The following IL17C variants were observed in gnomAD, a reference collection of about 807,000 sequenced individuals.
The protein encoded by IL17C is interleukin-17C.
In IL17C, 13 loss-of-function variants were observed where a neutral mutation model predicts 11.0. That is an observed-to-expected ratio of 1.18 (90% CI 0.77 to 1.88). The LOEUF (loss-of-function observed/expected upper bound fraction) is 1.88, where lower values mean the gene tolerates loss of function less well. IL17C is among the 40% of genes most tolerant of loss of function. IL17C has a pLI of 0.00. For synonymous variants in IL17C, 150 were observed against 125.8 expected (o/e 1.19, Z -1.29); for missense variants, 357 against 278.2 (o/e 1.28, Z -2.01).
Position 88,639,032 on chromosome 16 carries a change from C to A in IL17C, c.58C>A (p.His20Asn), listed in dbSNP as rs749908370. The change falls in exon 2 of 3, where the codon CAT (histidine) becomes AAT (asparagine). Residue 20 changes from histidine to asparagine, a missense_variant. By Grantham distance (68) the His-to-Asn change is moderately conservative. Coordinates refer to ENST00000244241, the MANE Select transcript of IL17C (RefSeq NM_013278.4). This position sits in a 1 kb window ranked among gnomAD's most constrained non-coding sequence, Gnocchi z 5.1. Reference sequence around the variant, plus strand: ...CTGGCTGCACACATGCCTGGCCCACCATGACCCCTCCCTCAGGGGGCACCC... The same window carrying A: ...CTGGCTGCACACATGCCTGGCCCACAATGACCCCTCCCTCAGGGGGCACCC... ...LTWLHTCLAH[H>N]DPSLRGHPHS... is the part of the protein sequence containing the mutation. The A allele has an allele frequency of 6.2e-7, 1 of 1,607,156 alleles. No individual in the cohort carries two copies. Among genetic ancestry groups the A allele is most frequent in the South Asian group, 1.1e-5 (1 of 90,274 alleles).
rs367662184 is a variant in IL17C, at chr16:88,639,120, C to T, written c.146C>T (p.Pro49Leu). The T allele has an allele frequency of 6.2e-7, 1 of 1,613,158 alleles. No individual in the cohort carries two copies. The highest frequency in any genetic ancestry group is 8.5e-7 in the Non-Finnish European group (1 of 1,179,950). ...AEELPLGQAP[P>L]HLLARGAKWG... ...GAACTGCCCCTCGGCCAGGCCCCCC[C>T]ACACCTGCTGGCTCGAGGTGCCAAG... The change falls in exon 2 of 3, where the codon CCA becomes CTA. Residue 49 changes from proline to leucine, a missense_variant. Physicochemically the swap from Pro to Leu is moderately conservative, Grantham distance 98 (BLOSUM62 -3). Transcript: ENST00000244241. The surrounding 1 kb of genome is among the most constrained non-coding windows in gnomAD (Gnocchi z 5.1).
At position 88,639,870 on chromosome 16, in the gene IL17C, G is replaced by A; in HGVS notation, c.392G>A (p.Cys131Tyr). 1 of 1,603,612 alleles carries A rather than the reference G, an allele frequency of 6.2e-7. No individual in the cohort carries two copies. Among genetic ancestry groups the A allele is most frequent in the Non-Finnish European group, 8.5e-7 (1 of 1,176,304 alleles). Residue 131 changes from cysteine (C) to tyrosine (Y), a missense_variant, in exon 3 of 3, where the codon TGC becomes TAC. Coordinates refer to ENST00000244241, the MANE Select transcript of IL17C (RefSeq NM_013278.4). This position sits in a 1 kb window ranked among gnomAD's most constrained non-coding sequence, Gnocchi z 5.1. ...AAGCTGGCCTTCGCCGAGTGCCTGT[G>A]CAGAGGCTGTATCGATGCACGGACG... ...PQKLAFAECL[C>Y]RGCIDARTGR... is the part of the protein sequence containing the mutation.
In IL17C at chr16:88,640,298, A is replaced by G. The variant is rs987230847; in HGVS notation, c.*226A>G. 4.0e-6 allele frequency: 2 copies of G among 496,726 alleles called. No individual in the cohort carries two copies. Among genetic ancestry groups the G allele is most frequent in the Non-Finnish European group, 7.0e-6 (2 of 287,312 alleles). 30.8% of individuals were successfully genotyped at this position (496,726 alleles called of 1,614,324 possible). A position where few individuals can be genotyped will look rare whatever the true frequency, so the allele number is the denominator to read the frequency against. On this transcript the variant is annotated 3_prime_UTR_variant, in exon 3 of 3. Transcript: ENST00000244241. ...TCTTCCAGCCCTTAAAGCTGCAGAA[A>G]AGGTGTCACACGGCTGCCTGTACCT...
In IL17C at chr16:88,639,950, C is replaced by G; in HGVS notation, c.472C>G (p.Leu158Val). 6.2e-7 allele frequency: 1 copy of G among 1,610,180 alleles called. No individual in the cohort carries two copies. Among genetic ancestry groups the G allele is most frequent in the Non-Finnish European group, 8.5e-7 (1 of 1,178,968 alleles). Residue 158 changes from leucine (L) to valine (V), a missense_variant, in exon 3 of 3, where the codon CTG (leucine) becomes GTG (valine). Physicochemically the swap from Leu to Val is conservative, Grantham distance 32. Coordinates refer to ENST00000244241, the MANE Select transcript of IL17C (RefSeq NM_013278.4). The surrounding 1 kb of genome is among the most constrained non-coding windows in gnomAD (Gnocchi z 5.1). ...GCGGCTGCTCCAGAGCCTGCTGGTG[C>G]TGCGCCGCCGGCCCTGCTCCCGCGA... ...SVRLLQSLLVLRRRPCSRDGS... is the reference protein window; with the variant it reads ...SVRLLQSLLVVRRRPCSRDGS...
intron 1 of IL17C, 130 bp from the exon 2 acceptor site, chr16:88,638,851 C>A: frequency 8.6e-7 from 1 of 1,159,910 alleles, no homozygotes; most frequent in Non-Finnish European, 1.3e-6. Flanking sequence ...CCTCTCTGGG[C>A]TTCAGTTTCC....
chr16:88,639,809 C>T lies in IL17C; in HGVS notation c.336-5C>T, dbSNP rs763144818. On this transcript the variant is annotated splice_region_variant and splice_polypyrimidine_tract_variant and intron_variant, in intron 2 of 2. Transcript: ENST00000244241. The surrounding 1 kb of genome is among the most constrained non-coding windows in gnomAD (Gnocchi z 5.1). ...CAGAGACTCACTGTGCACCCCGTCCCGCAGTGTGGACACGGATGAGGACCG... is the reference window on the plus strand; with the variant it reads ...CAGAGACTCACTGTGCACCCCGTCCTGCAGTGTGGACACGGATGAGGACCG... 26 of 1,546,110 alleles carry T rather than the reference C, an allele frequency of 1.7e-5. No individual in the cohort carries two copies. The highest frequency in any genetic ancestry group is 4.1e-5 in the African/African-American group (3 of 73,556).
chr16:88,638,901 G>C (rs1443614124), intron 1 of IL17C, 80 bp from the exon 2 acceptor site: 32 of 1,343,074 alleles, frequency 2.4e-5, no homozygotes, highest in Non-Finnish European at 3.2e-5. Context: ...CTTTCCGCTG[G>C]GAACAAGGAA....
At position 88,639,964 on chromosome 16, in the gene IL17C, C is replaced by G; in HGVS notation, c.486C>G (p.Pro162=). The G allele has an allele frequency of 1.2e-6, 2 of 1,610,196 alleles. No homozygotes were observed. The highest frequency in any genetic ancestry group is 1.7e-6 in the Non-Finnish European group (2 of 1,178,748). ...GCCTGCTGGTGCTGCGCCGCCGGCC[C>G]TGCTCCCGCGACGGCTCGGGGCTCC... is the stretch of plus-strand genomic sequence containing the variant. ...LQSLLVLRRR[P]CSRDGSGLPT... is the part of the protein sequence containing the mutation. The change falls in exon 3 of 3, where the codon CCC becomes CCG. Residue 162 remains proline, a synonymous_variant. Transcript: ENST00000244241. This position sits in a 1 kb window ranked among gnomAD's most constrained non-coding sequence, Gnocchi z 5.1.
rs1208235585 is a variant in IL17C at position 88,639,351 on chromosome 16, C to T, written c.335+42C>T. 2 of 1,492,318 alleles carry T rather than the reference C, an allele frequency of 1.3e-6. No homozygotes were observed. The highest frequency in any genetic ancestry group is 2.2e-4 in the Middle Eastern group (1 of 4,466). 92.4% of individuals were successfully genotyped at this position (1,492,318 alleles called of 1,614,324 possible). A position where few individuals can be genotyped will look rare whatever the true frequency, so the allele number is the denominator to read the frequency against. Reference sequence around the variant, plus strand: ...TCCGCTGTGGCGTGGGGCTGCCCCTCCCCTGGCGGGGCCCTGACTGCCCGG... The same window carrying T: ...TCCGCTGTGGCGTGGGGCTGCCCCTTCCCTGGCGGGGCCCTGACTGCCCGG... On this transcript the variant is annotated intron_variant, in intron 2 of 2. Coordinates refer to ENST00000244241, the MANE Select transcript of IL17C (RefSeq NM_013278.4). This position sits in a 1 kb window ranked among gnomAD's most constrained non-coding sequence, Gnocchi z 5.1.
At chr16:88,638,880 C>G in intron 1 of IL17C, 101 bp from the exon 2 acceptor site, 1 of 1,230,244 alleles carries the variant, frequency 8.1e-7, no homozygotes, top group Non-Finnish European at 1.2e-6. Flanking sequence ...AGAGGGAGGG[C>G]TGTACTCCAT....
At position 88,639,706 on chromosome 16, in the gene IL17C, C is replaced by T. The variant is rs1018754636; in HGVS notation, c.336-108C>T. On this transcript the variant is annotated intron_variant, in intron 2 of 2. Transcript: ENST00000244241. This position sits in a 1 kb window ranked among gnomAD's most constrained non-coding sequence, Gnocchi z 5.1. Reference sequence around the variant, plus strand: ...CCCCAAGCCCGTGTGGCTCAGCCCTCGCTGCCTCAGGTCCTATCCTGAGTA... The same window carrying T: ...CCCCAAGCCCGTGTGGCTCAGCCCTTGCTGCCTCAGGTCCTATCCTGAGTA... The T allele has an allele frequency of 6.0e-6, 8 of 1,337,134 alleles. No homozygotes were observed. The highest frequency in any genetic ancestry group is 2.9e-5 in the Admixed American group (1 of 34,110). The allele number at this position is 1,337,134 out of a possible 1,614,324, so 82.8% of individuals were successfully genotyped here.
chr16:88,638,728 T>A lies in IL17C; in HGVS notation c.6+81T>A. On this transcript the variant is annotated intron_variant, in intron 1 of 2. Coordinates refer to ENST00000244241, the MANE Select transcript of IL17C (RefSeq NM_013278.4). ...TGGAAGGGCTGGGGTTCTCTGAGCCTGGGAGGAGGGTGTTGGGATGGGGTC... is the reference window on the plus strand; with the variant it reads ...TGGAAGGGCTGGGGTTCTCTGAGCCAGGGAGGAGGGTGTTGGGATGGGGTC... 8 of 1,601,920 alleles carry A rather than the reference T, an allele frequency of 5.0e-6. No individual in the cohort carries two copies. The South Asian group carries it at 8.8e-5, about 18-fold the overall frequency.
chr16:88,640,253 G>A lies in IL17C; in HGVS notation c.*181G>A. Reference sequence around the variant, plus strand: ...CTCATCTCCAGCCTCAGTAGTTGGGGGTAGAAGGAGCTCAGCACCTCTTCC... The same window carrying A: ...CTCATCTCCAGCCTCAGTAGTTGGGAGTAGAAGGAGCTCAGCACCTCTTCC... On this transcript the variant is annotated 3_prime_UTR_variant, in exon 3 of 3. Transcript: ENST00000244241. 1.6e-6 allele frequency: 1 copy of A among 635,768 alleles called. No individual in the cohort carries two copies. The highest frequency in any genetic ancestry group is 2.4e-5 in the South Asian group (1 of 41,066). The allele number at this position is 635,768 out of a possible 1,614,324, so 39.4% of individuals were successfully genotyped here.
Position 88,639,956 on chromosome 16 carries a change from C to T in IL17C, c.478C>T (p.Arg160Cys), listed in dbSNP as rs763737451. The change falls in exon 3 of 3, where the codon CGC (arginine) becomes TGC (cysteine). Residue 160 changes from arginine to cysteine, a missense_variant. Coordinates refer to ENST00000244241, the MANE Select transcript of IL17C (RefSeq NM_013278.4). This position sits in a 1 kb window ranked among gnomAD's most constrained non-coding sequence, Gnocchi z 5.1. ...RLLQSLLVLRRRPCSRDGSGL... is the reference protein window; with the variant it reads ...RLLQSLLVLRCRPCSRDGSGL... Reference sequence around the variant, plus strand: ...GCTCCAGAGCCTGCTGGTGCTGCGCCGCCGGCCCTGCTCCCGCGACGGCTC... The same window carrying T: ...GCTCCAGAGCCTGCTGGTGCTGCGCTGCCGGCCCTGCTCCCGCGACGGCTC... 18 of 1,610,056 alleles carry T rather than the reference C, an allele frequency of 1.1e-5. No homozygotes were observed. The highest frequency in any genetic ancestry group is 1.3e-5 in the Non-Finnish European group (15 of 1,178,880).
At chr16:88,638,851 C>T in intron 1 of IL17C, 130 bp from the exon 2 acceptor site, 2 of 1,159,918 alleles carry the variant, frequency 1.7e-6, no homozygotes, top group Non-Finnish European at 2.5e-6. Flanking sequence ...CCTCTCTGGG[C>T]TTCAGTTTCC....
In IL17C at chr16:88,639,608, T is replaced by G. The variant is rs1165983648; in HGVS notation, c.336-206T>G. Among the ~76,000 whole-genome samples, 1 of 152,130 alleles carries G rather than the reference T, an allele frequency of 6.6e-6. No homozygotes were observed. The highest frequency in any genetic ancestry group is 1.9e-4 in the East Asian group (1 of 5,192). ...AGTGGAAGGGAGGCTCCTAGAGGCC[T>G]CCGGACCCTGCTCTGTGCTCTTGGA... On this transcript the variant is annotated intron_variant, in intron 2 of 2. Transcript: ENST00000244241. This position sits in a 1 kb window ranked among gnomAD's most constrained non-coding sequence, Gnocchi z 5.1.
In IL17C at chr16:88,639,184, G is replaced by A. The variant is rs1236698064; in HGVS notation, c.210G>A (p.Leu70=). 3.1e-6 allele frequency: 5 copies of A among 1,612,726 alleles called. No individual in the cohort carries two copies. Among genetic ancestry groups the A allele is most frequent in the Non-Finnish European group, 2.5e-6 (3 of 1,179,912 alleles). The change falls in exon 2 of 3, where the codon CTG becomes CTA. Residue 70 remains leucine, a synonymous_variant. Transcript: ENST00000244241. The surrounding 1 kb of genome is among the most constrained non-coding windows in gnomAD (Gnocchi z 5.1). The stretch of plus-strand genomic sequence containing the variant: ...TGCCTGTAGCCCTGGTGTCCAGCCT[G>A]GAGGCAGCAAGCCACAGGGGGAGGC... ...QALPVALVSS[L]EAASHRGRHE...
intron 1 of IL17C, 123 bp downstream of exon 1, chr16:88,638,770 C>T (rs982307402): frequency 6.8e-7 from 1 of 1,469,346 alleles, no homozygotes; most frequent in Non-Finnish European, 9.5e-7. Flanking sequence ...ACCCCTCAGT[C>T]TGGGGGTAGG....
chr16:88,639,111 A>T lies in IL17C; in HGVS notation c.137A>T (p.Gln46Leu). The change falls in exon 2 of 3, where the codon CAG (glutamine) becomes CTG (leucine). Residue 46 changes from glutamine to leucine, a missense_variant. By Grantham distance (113) the Gln-to-Leu change is moderately radical (BLOSUM62 -2). Coordinates refer to ENST00000244241, the MANE Select transcript of IL17C (RefSeq NM_013278.4). The surrounding 1 kb of genome is among the most constrained non-coding windows in gnomAD (Gnocchi z 5.1). ...CYSAEELPLG[Q>L]APPHLLARGA... Reference sequence around the variant, plus strand: ...TCGGCTGAGGAACTGCCCCTCGGCCAGGCCCCCCCACACCTGCTGGCTCGA... The same window carrying T: ...TCGGCTGAGGAACTGCCCCTCGGCCTGGCCCCCCCACACCTGCTGGCTCGA... 1 of 1,613,114 alleles carries T rather than the reference A, an allele frequency of 6.2e-7. No homozygotes were observed. The highest frequency in any genetic ancestry group is 8.5e-7 in the Non-Finnish European group (1 of 1,179,918).
Sources: allele counts gnomAD v4.1 joint callset (sites outside exome capture counted in the v4.1 genomes callset), GRCh38; gene constraint gnomAD v4.1.1; non-coding constraint Gnocchi (gnomAD v3.1); transcripts MANE v1.5; gene names NCBI Gene and HGNC (gene_info 2026-07-23, HGNC 2026-07-21).